The following DMRT1 variants were observed in gnomAD, a reference collection of about 807,000 sequenced individuals.
DMRT1 encodes doublesex and mab-3 related transcription factor 1.
In DMRT1, 7 loss-of-function variants were observed where a neutral mutation model predicts 32.3. The observed-to-expected ratio is 0.22, with a 90% CI of 0.12 to 0.41. DMRT1 has a LOEUF of 0.41. Ranked by LOEUF, DMRT1 falls within the 10% of genes least tolerant of loss-of-function variation. DMRT1 has a pLI of 1.00. For synonymous variants in DMRT1, 278 were observed against 206.1 expected, an observed-to-expected ratio of 1.35 and a Z score of -2.99; for missense variants, 625 against 500.5, an observed-to-expected ratio of 1.25 and a Z score of -2.37.
At chr9:967,919 G>C (rs924736876) in intron 4 of DMRT1, 66 bp from the exon 5 acceptor site, 11 of 1,474,706 alleles carry the variant, frequency 7.5e-6, no homozygotes, top group Non-Finnish European at 9.4e-6. Context: ...AATGTATAAA[G>C]ACCAGCCACT....
intron 2 of DMRT1, among the ~76,000 whole-genome samples, chr9:864,980 C>T (rs1815914223): frequency 6.6e-6 from 1 of 152,240 alleles, no homozygotes; most frequent in African/African-American, 2.4e-5. Context: ...ATATACTGTC[C>T]AGTCACATAT....
Position 885,056 on chromosome 9 carries a change from C to T in DMRT1, c.539-8856C>T, listed in dbSNP as rs571298411. ...GAAATGGGAAAGGTCCTCTTGTCCC[C>T]GTTTTAGAGCGTGTGAAGGAGGCAT... On this transcript the variant is annotated intron_variant, in intron 2 of 4. Coordinates refer to ENST00000382276, the MANE Select transcript of DMRT1 (RefSeq NM_021951.3). Among the ~76,000 whole-genome samples the T allele has an allele frequency of 4.6e-5, 7 of 152,298 alleles. No individual in the cohort carries two copies. The East Asian group carries it at 5.8e-4, about 13-fold the overall frequency.
At chr9:876,396 A>G (rs1816500446) in intron 2 of DMRT1, among the ~76,000 whole-genome samples, 1 of 152,096 alleles carries the variant, frequency 6.6e-6, no homozygotes, top group Non-Finnish European at 1.5e-5. Flanking sequence ...AAAGGCCTAG[A>G]CCATCACAGT....
At chr9:890,910 A>G (rs1338239303) in intron 2 of DMRT1, among the ~76,000 whole-genome samples, 1 of 150,000 alleles carries the variant, frequency 6.7e-6, no homozygotes, top group African/African-American at 2.5e-5. Flanking sequence ...TTTTTTTTTT[A>G]GTGGAGACGG....
At chr9:897,038 C>T (rs140840424) in intron 3 of DMRT1, among the ~76,000 whole-genome samples, 2 of 151,586 alleles carry the variant, frequency 1.3e-5, no homozygotes, top group South Asian at 2.1e-4. Context: ...CAATTTTAAT[C>T]CCCTGAGCTA....
intron 4 of DMRT1, among the ~76,000 whole-genome samples, chr9:924,455 A>G (rs1818458055): frequency 6.6e-6 from 1 of 152,222 alleles, no homozygotes; most frequent in Non-Finnish European, 1.5e-5. Flanking sequence ...TATGGATCAC[A>G]TAAGGAATTA....
At chr9:903,749 G>C (rs1817673406) in intron 3 of DMRT1, among the ~76,000 whole-genome samples, 1 of 152,150 alleles carries the variant, frequency 6.6e-6, no homozygotes, top group African/African-American at 2.4e-5. Flanking sequence ...AACTAGAATT[G>C]GCCTCTGGAT....
intron 3 of DMRT1, among the ~76,000 whole-genome samples, chr9:897,979 C>T (rs930921899): frequency 2.6e-5 from 4 of 151,986 alleles, no homozygotes; most frequent in Non-Finnish European, 5.9e-5. Context: ...GTGCAAAATG[C>T]GTTAAGACAT....
At chr9:858,865 AAAAAAAT>A (rs1486082384) in intron 2 of DMRT1, among the ~76,000 whole-genome samples, 723 of 61,542 alleles carry the variant, frequency 0.012, 2 homozygotes, top group South Asian at 0.029. Flanking sequence ...AAAAAAAAAA[AAAAAAAT>A]ATATATATAT....
intron 4 of DMRT1, among the ~76,000 whole-genome samples, chr9:938,608 G>A (rs1489010990): frequency 6.6e-6 from 1 of 152,122 alleles, no homozygotes; most frequent in African/African-American, 2.4e-5. Flanking sequence ...TTTATATCCT[G>A]CAACTTTGCT....
At chr9:844,518 C>A (rs929370676) in intron 1 of DMRT1, among the ~76,000 whole-genome samples, 7 of 143,890 alleles carry the variant, frequency 4.9e-5, no homozygotes, top group African/African-American at 1.8e-4. Flanking sequence ...TTCTAAGCCT[C>A]TTGGTTAGTA....
intron 4 of DMRT1, among the ~76,000 whole-genome samples, chr9:927,297 T>A (rs968591979): frequency 5.9e-5 from 9 of 152,232 alleles, no homozygotes; most frequent in Admixed American, 5.2e-4. Context: ...ATGAAGCTTG[T>A]CATGCATCTT....
At position 916,781 on chromosome 9, in the gene DMRT1, C is replaced by A. The variant is rs376670316; in HGVS notation, c.841C>A (p.Arg281Ser). 8 of 1,614,004 alleles carry A rather than the reference C, an allele frequency of 5.0e-6. No individual in the cohort carries two copies. The highest frequency in any genetic ancestry group is 6.8e-6 in the Non-Finnish European group (8 of 1,180,018). Residue 281 changes from arginine to serine, a missense_variant, in exon 4 of 5, where the codon CGC becomes AGC. Physicochemically the swap from Arg to Ser is moderately radical, Grantham distance 110. Around this residue, in one of 3 missense-constraint regions of DMRT1, gnomAD observed 416 missense variants for 321.6 expected, o/e 1.29. Transcript: ENST00000382276. ...TAAGCAGATGAAGAACATGGAGAACCGCCATGCAATGAGCTCCCAGTACAG... is the reference window on the plus strand; with the variant it reads ...TAAGCAGATGAAGAACATGGAGAACAGCCATGCAATGAGCTCCCAGTACAG... ...NQWQMKNMENRHAMSSQYRMH... is the reference protein window; with the variant it reads ...NQWQMKNMENSHAMSSQYRMH...
intron 4 of DMRT1, among the ~76,000 whole-genome samples, chr9:928,061 A>G (rs1818585970): frequency 6.6e-6 from 1 of 152,284 alleles, no homozygotes; most frequent in Admixed American, 6.5e-5. Context: ...TGGGTATCAA[A>G]ATCCTAGTGC....
chr9:910,264 A>G (rs556226485), intron 3 of DMRT1, among the ~76,000 whole-genome samples: 30 of 152,262 alleles, frequency 2.0e-4, no homozygotes, highest in African/African-American at 6.5e-4. Flanking sequence ...GGCATTTTTA[A>G]TGAAAAAGGC....
intron 3 of DMRT1, chr9:894,405 G>T: frequency 1.6e-6 from 1 of 620,704 alleles, no homozygotes; most frequent in Non-Finnish European, 2.9e-6. Flanking sequence ...TTTTTACTCT[G>T]TCAATAATGC....
At chr9:874,483 ATG>A (rs769622866) in intron 2 of DMRT1, among the ~76,000 whole-genome samples, 4 of 152,122 alleles carry the variant, frequency 2.6e-5, no homozygotes, top group Non-Finnish European at 4.4e-5. Context: ...TATACAGCAA[ATG>A]TGTATGAGGC....
chr9:906,984 G>A (rs1051479630), intron 3 of DMRT1, among the ~76,000 whole-genome samples: 2 of 152,112 alleles, frequency 1.3e-5, no homozygotes, highest in African/African-American at 4.8e-5. Flanking sequence ...GAGATAACAA[G>A]TCTCTATATT....
chr9:880,724 C>CAAAA (rs754419367), intron 2 of DMRT1, among the ~76,000 whole-genome samples: 12 of 62,072 alleles, frequency 1.9e-4, no homozygotes, highest in Non-Finnish European at 2.8e-4. Flanking sequence ...AACTCAGTCT[C>CAAAA]AAAAAAAAAA....
Sources: allele counts gnomAD v4.1 joint callset (sites outside exome capture counted in the v4.1 genomes callset), GRCh38; gene constraint gnomAD v4.1.1; regional missense constraint gnomAD v4.1.1; transcripts MANE v1.5; gene names NCBI Gene and HGNC (gene_info 2026-07-23, HGNC 2026-07-21).